The following ANKRD42 variants were observed in gnomAD, a reference collection of about 807,000 sequenced individuals.
The protein encoded by ANKRD42 is ankyrin repeat domain 42.
A neutral mutation model predicts 51.5 loss-of-function variants in ANKRD42; 43 were observed. The observed-to-expected ratio is 0.83, with a 90% CI of 0.65 to 1.08. The LOEUF is 1.08. ANKRD42 is among the 50% of genes least tolerant of loss of function. The pLI, the probability that ANKRD42 is intolerant of heterozygous loss-of-function variation, is 0.00. For synonymous variants in ANKRD42, 203 were observed against 213.0 expected, an observed-to-expected ratio of 0.95 and a Z score of 0.41; for missense variants, 608 against 629.3, an observed-to-expected ratio of 0.97 and a Z score of 0.36.
At chr11:83,209,300 A>T (rs575949472) in intron 3 of ANKRD42, 2 of 729,768 alleles carry the variant, frequency 2.7e-6, no homozygotes, top group South Asian at 1.6e-5. Flanking sequence ...AGGCAATGTT[A>T]AAACATTTTC....
chr11:83,240,345 G>A (rs911206940), intron 8 of ANKRD42, among the ~76,000 whole-genome samples: 8 of 152,202 alleles, frequency 5.3e-5, no homozygotes, highest in African/African-American at 1.9e-4. Flanking sequence ...TTAATAGTTA[G>A]CCCTAAAACT....
chr11:83,254,430 C>CTTTTTTTTTTTTTTTTTTTTT (rs778427623), intron 11 of ANKRD42, among the ~76,000 whole-genome samples: 1 of 130,412 alleles, frequency 7.7e-6, no homozygotes. Context: ...TTTCTTTTTT[C>CTTTTTTTTTTTTTTTTTTTTT]TTTTCTTTTT....
chr11:83,237,850 A>G (rs1863268574), intron 8 of ANKRD42, among the ~76,000 whole-genome samples: 1 of 152,192 alleles, frequency 6.6e-6, no homozygotes, highest in Non-Finnish European at 1.5e-5. Flanking sequence ...CATCACCGTC[A>G]AAGTCTCCTG....
chr11:83,225,304 T>C (rs997040578), intron 6 of ANKRD42, among the ~76,000 whole-genome samples: 6 of 152,074 alleles, frequency 3.9e-5, no homozygotes, highest in Non-Finnish European at 5.9e-5. Flanking sequence ...CAGTGGCACA[T>C]GCCGGTAATC....
intron 2 of ANKRD42, among the ~76,000 whole-genome samples, chr11:83,199,062 C>G (rs114836029): frequency 0.02 from 3,033 of 152,282 alleles, 97 homozygotes; most frequent in African/African-American, 0.069. Context: ...TACATGTGAG[C>G]TAGTTTCTAC....
At chr11:83,261,918 C>G (rs144006437), downstream of ANKRD42, 424 of 1,604,356 alleles carry the variant, frequency 2.6e-4, 2 homozygotes, top group Middle Eastern at 2.0e-3. Context: ...ATACTACTTC[C>G]AGAATCTATA....
At chr11:83,231,401 T>C (rs1863068522) in intron 7 of ANKRD42, among the ~76,000 whole-genome samples, 1 of 152,204 alleles carries the variant, frequency 6.6e-6, no homozygotes, top group Admixed American at 6.5e-5. Context: ...CATTTAAAAA[T>C]CAGATTATTA....
At chr11:83,250,233 C>T (rs187256705), downstream of ANKRD42, among the ~76,000 whole-genome samples, 6 of 152,212 alleles carry the variant, frequency 3.9e-5, no homozygotes, top group African/African-American at 7.2e-5. Flanking sequence ...TTAAGATCCT[C>T]GGCCCCCAAC....
chr11:83,245,559 T>G lies in ANKRD42; in HGVS notation c.1257T>G (p.Tyr419Ter). ...RHLLEIAESN[Y>*]KHLGGITEED... ...TCCTGGAAATTGCCGAGAGCAACTA[T>G]AAACACTTGGGAGGCATAACAGAAG... is the stretch of plus-strand genomic sequence containing the variant. Residue 419 changes from tyrosine (Y) to a stop codon, truncating the protein, a stop_gained, in exon 10 of 11, where the codon TAT (tyrosine) becomes TAG (stop). Coordinates refer to ENST00000533342, the MANE Select transcript of ANKRD42 (RefSeq NM_001300975.2). LOFTEE classifies it high-confidence loss of function. The G allele has an allele frequency of 6.5e-7, 1 of 1,536,702 alleles. No homozygotes were observed.
At chr11:83,262,136 G>A (rs1863964469), downstream of ANKRD42, among the ~76,000 whole-genome samples, 1 of 152,076 alleles carries the variant, frequency 6.6e-6, no homozygotes, top group Non-Finnish European at 1.5e-5. Flanking sequence ...ATTCTTAAGG[G>A]CAGCCTTAAT....
chr11:83,232,493 G>A (rs533806378), intron 7 of ANKRD42, among the ~76,000 whole-genome samples: 2 of 152,218 alleles, frequency 1.3e-5, no homozygotes, highest in South Asian at 4.1e-4. Context: ...GGTTTTTTGT[G>A]TGGGGTCTTT....
chr11:83,248,963 A>G lies in ANKRD42; in HGVS notation c.*759A>G, dbSNP rs1180810757. ...GATTTTCCAAGAAATATAATTAACTATAATAATTAATCTATTCTCTTCATT... is the reference window on the plus strand; with the variant it reads ...GATTTTCCAAGAAATATAATTAACTGTAATAATTAATCTATTCTCTTCATT... On this transcript the variant is annotated 3_prime_UTR_variant, in exon 11 of 11. Coordinates refer to ENST00000533342, the MANE Select transcript of ANKRD42 (RefSeq NM_001300975.2). The G allele has an allele frequency of 1.0e-6, 1 of 983,342 alleles. No homozygotes were observed. Among genetic ancestry groups the G allele is most frequent in the East Asian group, 1.1e-4 (1 of 8,814 alleles). 60.9% of individuals were successfully genotyped at this position (983,342 alleles called of 1,614,324 possible). A position where few individuals can be genotyped will look rare whatever the true frequency, so the allele number is the denominator to read the frequency against.
exon 12 of ANKRD42, chr11:83,256,014 T>C (rs1252274929): frequency 1.0e-6 from 1 of 983,668 alleles, no homozygotes; most frequent in Non-Finnish European, 1.5e-6. Context: ...CTATACAAAC[T>C]ATCTCAGAAT....
chr11:83,227,217 A>G (rs1306521055), intron 6 of ANKRD42, among the ~76,000 whole-genome samples: 1 of 152,076 alleles, frequency 6.6e-6, no homozygotes, highest in Non-Finnish European at 1.5e-5. Context: ...GGTTCAAGTG[A>G]TTCTCCTGCC....
chr11:83,228,229 CTCTTTTT>C (rs1565190215), intron 7 of ANKRD42, among the ~76,000 whole-genome samples: 20 of 41,114 alleles, frequency 4.9e-4, no homozygotes, highest in African/African-American at 2.5e-3. Context: ...CCCTCTCTCT[CTCTTTTT>C]TTTTTTTTTT....
At chr11:83,243,256 G>C (rs1186045758) in intron 9 of ANKRD42, among the ~76,000 whole-genome samples, 1 of 152,080 alleles carries the variant, frequency 6.6e-6, no homozygotes, top group Non-Finnish European at 1.5e-5. Flanking sequence ...TATGCTTGTT[G>C]TCCATGTGTA....
At chr11:83,218,660 C>T (rs925510236) in intron 5 of ANKRD42, among the ~76,000 whole-genome samples, 2 of 152,156 alleles carry the variant, frequency 1.3e-5, no homozygotes, top group African/African-American at 2.4e-5. Context: ...GCCTGGCTTG[C>T]AGAGTTTATG....
At chr11:83,256,087 AT>A in exon 12 of ANKRD42, 1 of 538,922 alleles carries the variant, frequency 1.9e-6, no homozygotes, top group Non-Finnish European at 3.1e-6. Flanking sequence ...AGATTTAGAG[AT>A]TTTTTAAATG....
At chr11:83,212,752 A>G (rs1353386479) in intron 5 of ANKRD42, 3 of 1,534,934 alleles carry the variant, frequency 2.0e-6, no homozygotes, top group African/African-American at 1.4e-5. Context: ...ATCTTTCTAT[A>G]TCTTTACACT....
Sources: gnomAD v4.1 joint callset for allele counts (sites outside exome capture counted in the v4.1 genomes callset) on GRCh38, gnomAD v4.1.1 for gene constraint, MANE v1.5 for transcripts, NCBI Gene and HGNC (gene_info 2026-07-23, HGNC 2026-07-21) for gene names.